MFSD6: variants seen among roughly 807,000 people sequenced by gnomAD.
MFSD6 encodes the protein major facilitator superfamily domain containing 6.
In MFSD6, 26 loss-of-function variants were observed where a neutral mutation model predicts 56.3. The ratio of observed to expected loss-of-function variants is 0.46; its 90% CI spans 0.34 to 0.64. The LOEUF (loss-of-function observed/expected upper bound fraction) is 0.64, where lower values mean the gene tolerates loss of function less well. Ranked by LOEUF, MFSD6 falls within the 30% of genes least tolerant of loss-of-function variation. The pLI is 0.01. For missense variants in MFSD6, 750 were observed against 986.2 expected (o/e 0.76, Z 3.21); for synonymous variants, 331 against 366.9 (o/e 0.90, Z 1.12).
In MFSD6 at chr2:190,439,355, T is replaced by A. The variant is rs1273598762; in HGVS notation, c.1532+1794T>A. Among the ~76,000 whole-genome samples, 1 of 152,274 alleles carries A rather than the reference T, an allele frequency of 6.6e-6. No individual in the cohort carries two copies. Among genetic ancestry groups the A allele is most frequent in the Middle Eastern group, 3.4e-3 (1 of 294 alleles). Reference sequence around the variant, plus strand: ...TGTGTTTAGGTTCTATTTTCTTTTTTTTCACGTTTTATTTGTTTATTTTTT... The same window carrying A: ...TGTGTTTAGGTTCTATTTTCTTTTTATTCACGTTTTATTTGTTTATTTTTT... On this transcript the variant is annotated intron_variant, in intron 3 of 7. Coordinates refer to ENST00000392328, the MANE Select transcript of MFSD6 (RefSeq NM_017694.4). The surrounding 1 kb of genome is among the most constrained non-coding windows in gnomAD (Gnocchi z 5.8).
In MFSD6 at chr2:190,439,139, G is replaced by A. The variant is rs984821108; in HGVS notation, c.1532+1578G>A. 3.3e-5 allele frequency among the ~76,000 whole-genome samples: 5 copies of A among 151,862 alleles called. No individual in the cohort carries two copies. Among genetic ancestry groups the A allele is most frequent in the Admixed American group, 2.0e-4 (3 of 15,242 alleles). Reference sequence around the variant, plus strand: ...ATTATCTGAGCTGTTTAAATTGACCGAGATGAATCAGATGCCTCCCTTCAG... The same window carrying A: ...ATTATCTGAGCTGTTTAAATTGACCAAGATGAATCAGATGCCTCCCTTCAG... On this transcript the variant is annotated intron_variant, in intron 3 of 7. Transcript: ENST00000392328. This position sits in a 1 kb window ranked among gnomAD's most constrained non-coding sequence, Gnocchi z 5.8.
At position 190,436,034 on chromosome 2, in the gene MFSD6, C is replaced by G; in HGVS notation, c.5C>G (p.Ala2Gly). Residue 2 changes from alanine to glycine, a missense_variant, in exon 3 of 8, where the codon GCA becomes GGA. Ala to Gly is a moderately conservative substitution (Grantham distance 60). Coordinates refer to ENST00000392328, the MANE Select transcript of MFSD6 (RefSeq NM_017694.4). The surrounding 1 kb of genome is among the most constrained non-coding windows in gnomAD (Gnocchi z 5.3). The part of the protein sequence containing the change: M[A>G]DDKVAILTDD... ...TGCTGATGGTGGTGGTAAGCCATGGCAGATGATAAAGTTGCTATCTTAACG... is the reference window on the plus strand; with the variant it reads ...TGCTGATGGTGGTGGTAAGCCATGGGAGATGATAAAGTTGCTATCTTAACG... The G allele has an allele frequency of 6.2e-7, 1 of 1,607,676 alleles. No homozygotes were observed. Among genetic ancestry groups the G allele is most frequent in the Non-Finnish European group, 8.5e-7 (1 of 1,175,394 alleles).
intron 4 of MFSD6, among the ~76,000 whole-genome samples, chr2:190,480,633 G>A (rs1009404366): frequency 2.0e-4 from 31 of 152,056 alleles, no homozygotes; most frequent in Admixed American, 4.6e-4. Context: ...GCAATAATCC[G>A]GAAACCATAA....
rs1685790377 is a variant in MFSD6, at chr2:190,426,550, GA to G, written c.-53-9426del. 6.6e-6 allele frequency among the ~76,000 whole-genome samples: 1 copy of G among 152,146 alleles called. No individual in the cohort carries two copies. Among genetic ancestry groups the G allele is most frequent in the South Asian group, 2.1e-4 (1 of 4,820 alleles). ...CATGGGTATATTGTGTAGTTGTGGG[GA>G]TTGGGCTTCTGCTGTACCCATCACC... On this transcript the variant is annotated intron_variant, in intron 2 of 7. Coordinates refer to ENST00000392328, the MANE Select transcript of MFSD6 (RefSeq NM_017694.4). This position sits in a 1 kb window ranked among gnomAD's most constrained non-coding sequence, Gnocchi z 4.7.
chr2:190,472,967 T>G (rs865889381), intron 4 of MFSD6, among the ~76,000 whole-genome samples: 1 of 152,302 alleles, frequency 6.6e-6, no homozygotes, highest in African/African-American at 2.4e-5. Flanking sequence ...CAACCCAGAA[T>G]TTCATATCCA....
rs1319874052 is a variant in MFSD6, at chr2:190,490,044, C to T, written c.1891+178C>T. 1.3e-5 allele frequency among the ~76,000 whole-genome samples: 2 copies of T among 151,964 alleles called. No individual in the cohort carries two copies. Among genetic ancestry groups the T allele is most frequent in the Non-Finnish European group, 2.9e-5 (2 of 67,996 alleles). Reference sequence around the variant, plus strand: ...TTGTTAAAGAGATCCACCTACTATGCAGAAAAAATATTGTTTTAAGTAGCT... The same window carrying T: ...TTGTTAAAGAGATCCACCTACTATGTAGAAAAAATATTGTTTTAAGTAGCT... On this transcript the variant is annotated intron_variant, in intron 6 of 7. Transcript: ENST00000392328. The surrounding 1 kb of genome is among the most constrained non-coding windows in gnomAD (Gnocchi z 4.5).
rs1260147859 is a variant in MFSD6 at position 190,485,729 on chromosome 2, G to A, written c.1631-2928G>A. On this transcript the variant is annotated intron_variant, in intron 4 of 7. Transcript: ENST00000392328. The surrounding 1 kb of genome is among the most constrained non-coding windows in gnomAD (Gnocchi z 5.1). ...TATTGCAATTGTTTTGCCAGATAAAGCAAACACGTTATTTGACTTCTTAGG... is the reference window on the plus strand; with the variant it reads ...TATTGCAATTGTTTTGCCAGATAAAACAAACACGTTATTTGACTTCTTAGG... Among the ~76,000 whole-genome samples the A allele has an allele frequency of 1.3e-5, 2 of 151,270 alleles. No homozygotes were observed. Among genetic ancestry groups the A allele is most frequent in the African/African-American group, 4.9e-5 (2 of 41,130 alleles).
At chr2:190,493,535 A>C (rs1689485671) in intron 6 of MFSD6, among the ~76,000 whole-genome samples, 2 of 152,214 alleles carry the variant, frequency 1.3e-5, no homozygotes, top group Non-Finnish European at 2.9e-5. Flanking sequence ...AATGAACTTA[A>C]CAGATATTTA....
rs1689799029 is a variant in MFSD6, at chr2:190,497,930, T to TA, written c.2172+211_2172+212insA. 2 of 459,654 alleles carry TA rather than the reference T, an allele frequency of 4.4e-6. No individual in the cohort carries two copies. Among genetic ancestry groups the TA allele is most frequent in the African/African-American group, 1.9e-5 (1 of 51,340 alleles). 28.5% of individuals were successfully genotyped at this position (459,654 alleles called of 1,614,324 possible). A position where few individuals can be genotyped will look rare whatever the true frequency, so the allele number is the denominator to read the frequency against. On this transcript the variant is annotated intron_variant, in intron 7 of 7. Transcript: ENST00000392328. This position sits in a 1 kb window ranked among gnomAD's most constrained non-coding sequence, Gnocchi z 5.2. ...GAGAGAATATTCTGCCTTATGGAGT[T>TA]CAGGAAAACTTCAGAGGTTATGATT... is the stretch of plus-strand genomic sequence containing the variant.
At chr2:190,411,447 T>G (rs997629108) in intron 1 of MFSD6, 61 of 984,996 alleles carry the variant, frequency 6.2e-5, no homozygotes, top group Non-Finnish European at 7.1e-5. Flanking sequence ...CATGAGCCAC[T>G]GCGCCCAGCC....
rs1553518916 is a variant in MFSD6, at chr2:190,445,468, A to AAC, written c.1532+7907_1532+7908insAC. Among the ~76,000 whole-genome samples, 457 of 146,412 alleles carry AAC rather than the reference A, an allele frequency of 3.1e-3. 5 individuals carry two copies. Among genetic ancestry groups the AAC allele is most frequent in the African/African-American group, 0.011 (425 of 40,150 alleles). On this transcript the variant is annotated intron_variant, in intron 3 of 7. Coordinates refer to ENST00000392328, the MANE Select transcript of MFSD6 (RefSeq NM_017694.4). ...AAAAGCCCCAATCACAAAAAAAAAA[A>AAC]CCCCGACTATACCCTGTTTAAAGAA...
rs565179311 is a variant in MFSD6, at chr2:190,496,218, C to G, written c.1892-1221C>G. 1.3e-5 allele frequency among the ~76,000 whole-genome samples: 2 copies of G among 151,176 alleles called. No homozygotes were observed. Among genetic ancestry groups the G allele is most frequent in the Non-Finnish European group, 2.9e-5 (2 of 67,846 alleles). On this transcript the variant is annotated intron_variant, in intron 6 of 7. Transcript: ENST00000392328. The surrounding 1 kb of genome is among the most constrained non-coding windows in gnomAD (Gnocchi z 4.7). ...CAAGCAAAGATACACAAATGGCCAA[C>G]AAACATGAAACAATGGTCAACATCA... is the stretch of plus-strand genomic sequence containing the variant.
intron 3 of MFSD6, among the ~76,000 whole-genome samples, chr2:190,455,286 T>C (rs1348030592): frequency 6.8e-6 from 1 of 147,948 alleles, no homozygotes; most frequent in Non-Finnish European, 1.5e-5. Flanking sequence ...GCTCTATTAA[T>C]TAAATTTTAT....
In MFSD6 at chr2:190,459,900, A is replaced by G. The variant is rs999935624; in HGVS notation, c.1533-9858A>G. Among the ~76,000 whole-genome samples, 6 of 152,242 alleles carry G rather than the reference A, an allele frequency of 3.9e-5. No individual in the cohort carries two copies. Among genetic ancestry groups the G allele is most frequent in the Non-Finnish European group, 8.8e-5 (6 of 68,034 alleles). On this transcript the variant is annotated intron_variant, in intron 3 of 7. Coordinates refer to ENST00000392328, the MANE Select transcript of MFSD6 (RefSeq NM_017694.4). This position sits in a 1 kb window ranked among gnomAD's most constrained non-coding sequence, Gnocchi z 5.3. ...ATATACACAGCTAAATATTATTTCT[A>G]ATTCACTCTCTGACATACAATGTGA...
At position 190,491,760 on chromosome 2, in the gene MFSD6, G is replaced by A. The variant is rs924715658; in HGVS notation, c.1891+1894G>A. Among the ~76,000 whole-genome samples the A allele has an allele frequency of 1.3e-5, 2 of 152,144 alleles. No individual in the cohort carries two copies. Among genetic ancestry groups the A allele is most frequent in the Non-Finnish European group, 2.9e-5 (2 of 68,036 alleles). On this transcript the variant is annotated intron_variant, in intron 6 of 7. Transcript: ENST00000392328. The surrounding 1 kb of genome is among the most constrained non-coding windows in gnomAD (Gnocchi z 4.2). ...ATGACAAAACAAGGTTCTTTAACCT[G>A]CCCCAACAAAATCACACTAGCACCA...
chr2:190,420,566 A>G (rs1685572501), intron 2 of MFSD6, among the ~76,000 whole-genome samples: 1 of 152,162 alleles, frequency 6.6e-6, no homozygotes, highest in South Asian at 2.1e-4. Flanking sequence ...TCACTTTATA[A>G]ACAGATTGTC....
chr2:190,445,794 A>G (rs1435389179), intron 3 of MFSD6, among the ~76,000 whole-genome samples: 1 of 136,254 alleles, frequency 7.3e-6, no homozygotes, highest in East Asian at 2.5e-4. Flanking sequence ...TTGAAATCAG[A>G]TTCATAACGT....
At chr2:190,407,902 T>C (rs1690365356), upstream of MFSD6, among the ~76,000 whole-genome samples, 1 of 152,218 alleles carries the variant, frequency 6.6e-6, no homozygotes, top group Non-Finnish European at 1.5e-5. This position sits in a 1 kb window ranked among gnomAD's most constrained non-coding sequence, Gnocchi z 5.4. Context: ...GGGATGTTAG[T>C]ACATTTTCCC....
In MFSD6 at chr2:190,424,255, G is replaced by A. The variant is rs1267490000; in HGVS notation, c.-54+8842G>A. On this transcript the variant is annotated intron_variant, in intron 2 of 7. Transcript: ENST00000392328. The surrounding 1 kb of genome is among the most constrained non-coding windows in gnomAD (Gnocchi z 5.9). ...TTCTTCTTTTTTTTTTTTTCTAAAT[G>A]TTTTATAGTTTCAAATTGTATAGTT... Among the ~76,000 whole-genome samples the A allele has an allele frequency of 6.8e-6, 1 of 146,130 alleles. No individual in the cohort carries two copies. Among genetic ancestry groups the A allele is most frequent in the Non-Finnish European group, 1.5e-5 (1 of 66,718 alleles).
Sources: allele counts gnomAD v4.1 joint callset (sites outside exome capture counted in the v4.1 genomes callset), GRCh38; gene constraint gnomAD v4.1.1; non-coding constraint Gnocchi (gnomAD v3.1); transcripts MANE v1.5; gene names NCBI Gene and HGNC (gene_info 2026-07-23, HGNC 2026-07-21).